Variants in XPNPEP3 observed in about 807,000 individuals in gnomAD.
The protein encoded by XPNPEP3 is xaa-Pro aminopeptidase 3.
Under a neutral mutation model 60.0 loss-of-function variants are expected in XPNPEP3, and 41 were observed. That is an observed-to-expected ratio of 0.68 (90% CI 0.53 to 0.89). The LOEUF (loss-of-function observed/expected upper bound fraction) is 0.89, where lower values mean the gene tolerates loss of function less well. Ranked by LOEUF, XPNPEP3 falls within the 40% of genes least tolerant of loss-of-function variation. The pLI is 0.00. For synonymous variants in XPNPEP3, 212 were observed against 223.2 expected, an observed-to-expected ratio of 0.95 and a Z score of 0.45; for missense variants, 598 against 638.9, an observed-to-expected ratio of 0.94 and a Z score of 0.69.
chr22:40,860,564 T>G, intron 1 of XPNPEP3: 1 of 1,029,652 alleles, frequency 9.7e-7, no homozygotes, highest in African/African-American at 1.6e-5. Context: ...TAAGTTTGTA[T>G]AGTGGTTTTA....
chr22:40,860,730 G>A (rs975923013), intron 1 of XPNPEP3: 5 of 853,438 alleles, frequency 5.9e-6, no homozygotes, highest in Non-Finnish European at 9.0e-6. Flanking sequence ...CCATTACACT[G>A]CAACCTATGT....
At chr22:40,924,962 C>T (rs923690736) in intron 9 of XPNPEP3, among the ~76,000 whole-genome samples, 4 of 152,088 alleles carry the variant, frequency 2.6e-5, no homozygotes, top group Non-Finnish European at 4.4e-5. Context: ...TTGACTCCTC[C>T]AATAAACAAC....
intron 7 of XPNPEP3, among the ~76,000 whole-genome samples, chr22:40,918,646 T>C (rs1365188409): frequency 1.3e-5 from 2 of 151,500 alleles, no homozygotes; most frequent in African/African-American, 4.8e-5. Context: ...ATCACACCAC[T>C]GTACTCCAGC....
At chr22:40,859,525 A>G (rs2057928420) in intron 1 of XPNPEP3, 1 of 152,120 alleles carries the variant, frequency 6.6e-6, no homozygotes, top group African/African-American at 2.4e-5. Flanking sequence ...ACTCTACTAA[A>G]TATCACATCT....
At chr22:40,873,248 G>A (rs2058014606) in intron 2 of XPNPEP3, among the ~76,000 whole-genome samples, 1 of 151,216 alleles carries the variant, frequency 6.6e-6, no homozygotes, top group South Asian at 2.1e-4. Context: ...GGGACTACAC[G>A]TGTGCGCCAC....
At chr22:40,914,531 A>ATTTTTTTTTTT (rs560908648) in intron 7 of XPNPEP3, among the ~76,000 whole-genome samples, 2 of 67,604 alleles carry the variant, frequency 3.0e-5, no homozygotes, top group African/African-American at 5.7e-5. Flanking sequence ...ACTAACAAAG[A>ATTTTTTTTTTT]TTTTTTTTTT....
chr22:40,859,869 A>G (rs888737882), intron 1 of XPNPEP3: 5 of 152,184 alleles, frequency 3.3e-5, no homozygotes, highest in African/African-American at 1.2e-4. Context: ...ACTAAATTAA[A>G]ATGGCTATAG....
intron 1 of XPNPEP3, among the ~76,000 whole-genome samples, chr22:40,866,744 A>G (rs1478750126): frequency 2.6e-5 from 4 of 152,210 alleles, no homozygotes; most frequent in African/African-American, 9.6e-5. Context: ...AATGTAAGTA[A>G]AAAGCTATTG....
At chr22:40,883,171 A>G (rs1370129247) in intron 3 of XPNPEP3, among the ~76,000 whole-genome samples, 1 of 152,204 alleles carries the variant, frequency 6.6e-6, no homozygotes, top group Non-Finnish European at 1.5e-5. Context: ...CAGCTCTTCA[A>G]AAGGAGGTAC....
At chr22:40,859,313 G>C (rs898438171) in intron 1 of XPNPEP3, among the ~76,000 whole-genome samples, 1 of 152,104 alleles carries the variant, frequency 6.6e-6, no homozygotes, top group Admixed American at 6.6e-5. Context: ...TCCTTTAGAT[G>C]GTGGGAAAAC....
At position 40,926,793 on chromosome 22, in the gene XPNPEP3, T is replaced by C. The variant is rs1173749185; in HGVS notation, c.*358T>C. Reference sequence around the variant, plus strand: ...AAATTCACTTCTTCTTTCAAGTCCTTCCCTTTCTATACTTTTGCTGAGATC... The same window carrying C: ...AAATTCACTTCTTCTTTCAAGTCCTCCCCTTTCTATACTTTTGCTGAGATC... On this transcript the variant is annotated 3_prime_UTR_variant, in exon 10 of 10. Coordinates refer to ENST00000357137, the MANE Select transcript of XPNPEP3 (RefSeq NM_022098.4). The C allele has an allele frequency of 3.1e-6, 1 of 326,854 alleles. No individual in the cohort carries two copies. The highest frequency in any genetic ancestry group is 2.2e-5 in the African/African-American group (1 of 46,308). The allele number at this position is 326,854 out of a possible 1,614,324, so 20.2% of individuals were successfully genotyped here.
chr22:40,912,052 C>A (rs533483177), intron 6 of XPNPEP3, among the ~76,000 whole-genome samples: 3 of 151,808 alleles, frequency 2.0e-5, no homozygotes, highest in Non-Finnish European at 4.4e-5. Context: ...GCAAACAGTG[C>A]CAATTTTCTA....
chr22:40,908,678 T>G (rs2058165616), intron 5 of XPNPEP3, among the ~76,000 whole-genome samples: 1 of 152,208 alleles, frequency 6.6e-6, no homozygotes, highest in Non-Finnish European at 1.5e-5. Flanking sequence ...TTTGAAAGAT[T>G]GGAATTAGTA....
intron 3 of XPNPEP3, 117 bp downstream of exon 3, chr22:40,882,294 C>T: frequency 8.9e-7 from 1 of 1,129,134 alleles, no homozygotes; most frequent in Non-Finnish European, 1.3e-6. Flanking sequence ...AGACCATGAG[C>T]ACCATGAAAG....
At chr22:40,867,731 T>C (rs1210632445) in intron 1 of XPNPEP3, among the ~76,000 whole-genome samples, 2 of 149,958 alleles carry the variant, frequency 1.3e-5, no homozygotes, top group Admixed American at 1.3e-4. Flanking sequence ...TGAATAAATA[T>C]TGAAGGAGAG....
chr22:40,871,467 A>C (rs889178399), intron 2 of XPNPEP3, among the ~76,000 whole-genome samples: 7 of 152,254 alleles, frequency 4.6e-5, no homozygotes, highest in Non-Finnish European at 8.8e-5. Flanking sequence ...TCTCTAATAC[A>C]TGGCAGTATG....
rs1479094909 is a variant in XPNPEP3 at position 40,869,113 on chromosome 22, C to T, written c.179C>T (p.Pro60Leu). 2 of 1,612,768 alleles carry T rather than the reference C, an allele frequency of 1.2e-6. No individual in the cohort carries two copies. The highest frequency in any genetic ancestry group is 2.7e-5 in the African/African-American group (2 of 74,842). Reference sequence around the variant, plus strand: ...TTTACACACCCACACCTCCTCAGACCAGGTAAGGCCTTTTAACTGTGCTAT... The same window carrying T: ...TTTACACACCCACACCTCCTCAGACTAGGTAAGGCCTTTTAACTGTGCTAT... ...SPFTHPHLLRPGEVTPGLSQV... is the reference protein window; with the variant it reads ...SPFTHPHLLRLGEVTPGLSQV... The change falls in exon 2 of 10, where the codon CCA (proline) becomes CTA (leucine). Residue 60 changes from proline to leucine, a missense_variant and splice_region_variant. By Grantham distance (98) the Pro-to-Leu change is moderately conservative. Coordinates refer to ENST00000357137, the MANE Select transcript of XPNPEP3 (RefSeq NM_022098.4).
intron 4 of XPNPEP3, among the ~76,000 whole-genome samples, chr22:40,887,939 TG>T (rs1364243371): frequency 6.6e-6 from 1 of 152,248 alleles, no homozygotes; most frequent in Non-Finnish European, 1.5e-5. Context: ...ATCTTTTTAC[TG>T]TGGTGAAATG....
rs913528567 is a variant in XPNPEP3, at chr22:40,928,990, T to C, written c.*2555T>C. 3.3e-5 allele frequency: 5 copies of C among 152,066 alleles called. No individual in the cohort carries two copies. The highest frequency in any genetic ancestry group is 5.9e-5 in the Non-Finnish European group (4 of 68,026). 9.4% of individuals were successfully genotyped at this position (152,066 alleles called of 1,614,324 possible). On this transcript the variant is annotated 3_prime_UTR_variant, in exon 10 of 10. Transcript: ENST00000357137. The stretch of plus-strand genomic sequence containing the variant: ...GCACAGCTGGAGTCTCCATCCCCCA[T>C]ACCCACCTTCCCACCTCCCTCCAAT...
Sources: allele counts gnomAD v4.1 joint callset (sites outside exome capture counted in the v4.1 genomes callset), GRCh38; gene constraint gnomAD v4.1.1; transcripts MANE v1.5; gene names NCBI Gene and HGNC (gene_info 2026-07-23, HGNC 2026-07-21).